The following MACROD2 variants were observed in gnomAD, a reference collection of about 807,000 sequenced individuals.
MACROD2 encodes mono-ADP ribosylhydrolase 2.
MACROD2 carries 36 observed loss-of-function variants against 70.4 expected under a neutral mutation model. The ratio of observed to expected loss-of-function variants is 0.51; its 90% CI spans 0.39 to 0.68. The LOEUF (loss-of-function observed/expected upper bound fraction) is 0.68. Ranked by LOEUF, MACROD2 falls within the 30% of genes least tolerant of loss-of-function variation. The probability of loss-of-function intolerance (pLI) is 0.00; values close to 1 mark genes in which losing one functional copy is unlikely to be tolerated. For synonymous variants in MACROD2, 172 were observed against 178.8 expected, an observed-to-expected ratio of 0.96 and a Z score of 0.30; for missense variants, 496 against 538.4, an observed-to-expected ratio of 0.92 and a Z score of 0.78.
At chr20:15,064,650 A>G (rs1568555882) in intron 5 of MACROD2, among the ~76,000 whole-genome samples, 1 of 152,176 alleles carries the variant, frequency 6.6e-6, no homozygotes, top group East Asian at 1.9e-4. Flanking sequence ...CTCCACGCAT[A>G]GCAATCTCAA....
chr20:14,382,446 A>G (rs1368814438), intron 3 of MACROD2, among the ~76,000 whole-genome samples: 1 of 151,780 alleles, frequency 6.6e-6, no homozygotes, highest in Non-Finnish European at 1.5e-5. Context: ...AGGAGGGTGG[A>G]TCACCTGAGG....
At chr20:15,828,955 A>T (rs1310674760) in intron 8 of MACROD2, among the ~76,000 whole-genome samples, 2 of 152,222 alleles carry the variant, frequency 1.3e-5, no homozygotes, top group Non-Finnish European at 2.9e-5. Flanking sequence ...TTTTTAGAGA[A>T]GATTGTTATT....
At chr20:15,078,475 GTGT>G (rs1484939195) in intron 5 of MACROD2, among the ~76,000 whole-genome samples, 2 of 152,142 alleles carry the variant, frequency 1.3e-5, no homozygotes, top group African/African-American at 4.8e-5. Context: ...GGATGACAAA[GTGT>G]TGTTAGGTGA....
chr20:15,582,121 C>CA (rs11417111), intron 8 of MACROD2, among the ~76,000 whole-genome samples: 62,568 of 140,688 alleles, frequency 0.44, 15,906 homozygotes, highest in Non-Finnish European at 0.59. Context: ...GACTCGGTCT[C>CA]AAAAAAAAAA....
intron 5 of MACROD2, among the ~76,000 whole-genome samples, chr20:14,695,160 A>T (rs1171790073): frequency 6.6e-6 from 1 of 152,318 alleles, no homozygotes; most frequent in East Asian, 1.9e-4. Context: ...TCTGGAGGCC[A>T]GAGAGCCAAA....
At chr20:15,585,453 C>A (rs2048585941) in intron 8 of MACROD2, among the ~76,000 whole-genome samples, 1 of 152,158 alleles carries the variant, frequency 6.6e-6, no homozygotes, top group South Asian at 2.1e-4. Context: ...ACCTCGGCCT[C>A]CCAAAGTGCT....
At chr20:14,007,980 A>T (rs573354377) in intron 2 of MACROD2, among the ~76,000 whole-genome samples, 1 of 152,212 alleles carries the variant, frequency 6.6e-6, no homozygotes, top group Non-Finnish European at 1.5e-5. Flanking sequence ...TATTTTTAAA[A>T]ATTGGTCATT....
At chr20:14,281,406 G>C (rs1046354569) in intron 3 of MACROD2, among the ~76,000 whole-genome samples, 18 of 152,178 alleles carry the variant, frequency 1.2e-4, no homozygotes, top group African/African-American at 4.3e-4. Flanking sequence ...TTGGTGCCAG[G>C]GAGTGGGGAT....
intron 3 of MACROD2, among the ~76,000 whole-genome samples, chr20:14,239,486 A>C (rs571409964): frequency 3.3e-5 from 5 of 152,340 alleles, no homozygotes; most frequent in Non-Finnish European, 7.3e-5. Context: ...ACAAGGCTGG[A>C]GTAACTGAAA....
chr20:15,126,433 A>G (rs149890280), intron 5 of MACROD2, among the ~76,000 whole-genome samples: 1,966 of 152,064 alleles, frequency 0.013, 23 homozygotes, highest in South Asian at 0.028. Context: ...AAGAGTGAAC[A>G]ACTTTTTAAT....
At chr20:14,719,976 T>C (rs1283084210) in intron 5 of MACROD2, among the ~76,000 whole-genome samples, 2 of 152,224 alleles carry the variant, frequency 1.3e-5, no homozygotes, top group African/African-American at 4.8e-5. Flanking sequence ...ATCTCATATC[T>C]GGAATTTCAC....
chr20:14,817,713 C>T (rs1378842370), intron 5 of MACROD2, among the ~76,000 whole-genome samples: 1 of 152,104 alleles, frequency 6.6e-6, no homozygotes, highest in African/African-American at 2.4e-5. Flanking sequence ...AAGGGGACAG[C>T]AACTGAGAGA....
chr20:14,903,337 G>A (rs539873030), intron 5 of MACROD2, among the ~76,000 whole-genome samples: 9 of 152,014 alleles, frequency 5.9e-5, no homozygotes, highest in Non-Finnish European at 8.8e-5. Flanking sequence ...CACTGCACCC[G>A]GCCCAGGTTT....
At chr20:15,070,922 A>C (rs1428160440) in intron 5 of MACROD2, among the ~76,000 whole-genome samples, 1 of 147,362 alleles carries the variant, frequency 6.8e-6, no homozygotes, top group African/African-American at 2.4e-5. Context: ...AAAAAAAAAA[A>C]AACCCAAAAA....
intron 6 of MACROD2, among the ~76,000 whole-genome samples, chr20:15,422,534 G>A (rs1367624599): frequency 6.6e-6 from 1 of 151,924 alleles, no homozygotes; most frequent in East Asian, 1.9e-4. Context: ...ATAGAAAGTG[G>A]GCAATCTGTT....
In MACROD2 at chr20:14,853,374, G is replaced by A. The variant is rs112474015; in HGVS notation, c.418+168415G>A. 3.7e-3 allele frequency among the ~76,000 whole-genome samples: 556 copies of A among 152,064 alleles called. 1 individual carries two copies. The highest frequency in any genetic ancestry group is 6.3e-3 in the Non-Finnish European group (431 of 67,992). Reference sequence around the variant, plus strand: ...TGCGGAAGAGTTAGGTTGCATAGGTGCTTCCTGGGTTTTTTCTGGTTGACT... The same window carrying A: ...TGCGGAAGAGTTAGGTTGCATAGGTACTTCCTGGGTTTTTTCTGGTTGACT... On this transcript the variant is annotated intron_variant, in intron 5 of 17. Transcript: ENST00000684519.
Position 15,639,487 on chromosome 20 carries a change from A to G in MACROD2, c.645+139640A>G, listed in dbSNP as rs2049421427. Among the ~76,000 whole-genome samples the G allele has an allele frequency of 2.0e-5, 3 of 152,178 alleles. No homozygotes were observed. In the South Asian group the frequency reaches 6.2e-4, roughly 32 times the overall value. ...TCCTCAGCCCCCACTGTAGTGCAGG[A>G]AAACTCTGGCCCTGATGGAGCCATT... On this transcript the variant is annotated intron_variant, in intron 8 of 17. Transcript: ENST00000684519.
intron 3 of MACROD2, among the ~76,000 whole-genome samples, chr20:14,168,761 A>T (rs1354010834): frequency 6.6e-6 from 1 of 152,202 alleles, no homozygotes; most frequent in Non-Finnish European, 1.5e-5. Flanking sequence ...TCACAGCTGA[A>T]TTCTATCAAA....
At chr20:15,337,545 C>A (rs1011015386) in intron 6 of MACROD2, among the ~76,000 whole-genome samples, 1 of 151,664 alleles carries the variant, frequency 6.6e-6, no homozygotes, top group Non-Finnish European at 1.5e-5. Context: ...CTTGAAATAT[C>A]TTTACATTGT....
Sources: gnomAD v4.1 joint callset for allele counts (sites outside exome capture counted in the v4.1 genomes callset) on GRCh38, gnomAD v4.1.1 for gene constraint, MANE v1.5 for transcripts, NCBI Gene and HGNC (gene_info 2026-07-23, HGNC 2026-07-21) for gene names.